DNAI3: variants seen among roughly 807,000 people sequenced by gnomAD.
DNAI3 encodes WD repeat domain 63.
Under a neutral mutation model 115.5 loss-of-function variants are expected in DNAI3, and 83 were observed. The observed-to-expected ratio is 0.72, with a 90% CI of 0.60 to 0.86. The LOEUF is 0.86. DNAI3 is among the 40% of genes least tolerant of loss of function. The pLI, the probability that DNAI3 is intolerant of heterozygous loss-of-function variation, is 0.00. For missense variants in DNAI3, 1,004 were observed against 1,075.8 expected, an observed-to-expected ratio of 0.93 and a Z score of 0.93; for synonymous variants, 320 against 347.0, an observed-to-expected ratio of 0.92 and a Z score of 0.86.
At chr1:85,120,788 C>T (rs1276604372) in intron 17 of DNAI3, among the ~76,000 whole-genome samples, 2 of 152,166 alleles carry the variant, frequency 1.3e-5, no homozygotes, top group Non-Finnish European at 2.9e-5. Flanking sequence ...AGGGCTTGTC[C>T]TTGGATTTGG....
intron 18 of DNAI3, among the ~76,000 whole-genome samples, chr1:85,122,259 C>T (rs1182530778): frequency 2.0e-5 from 3 of 152,028 alleles, no homozygotes; most frequent in African/African-American, 7.3e-5. Flanking sequence ...TCTAGAAGAC[C>T]CCAGCAGAGT....
intron 3 of DNAI3, among the ~76,000 whole-genome samples, chr1:85,080,949 T>C (rs1654617056): frequency 6.6e-6 from 1 of 152,166 alleles, no homozygotes; most frequent in Non-Finnish European, 1.5e-5. Context: ...TAGAAGTTCA[T>C]ATGAGGTATA....
At chr1:85,129,023 G>A (rs776498424) in intron 21 of DNAI3, among the ~76,000 whole-genome samples, 1 of 152,176 alleles carries the variant, frequency 6.6e-6, no homozygotes, top group Non-Finnish European at 1.5e-5. Flanking sequence ...ATGAAGTCCA[G>A]ATTCTGAGAG....
chr1:85,120,373 G>T (rs1364754900), intron 17 of DNAI3, among the ~76,000 whole-genome samples: 2 of 152,230 alleles, frequency 1.3e-5, no homozygotes, highest in African/African-American at 4.8e-5. Flanking sequence ...AAAAGGGCCT[G>T]AGCAGTGGGG....
At chr1:85,102,983 G>A (rs982411577) in intron 13 of DNAI3, among the ~76,000 whole-genome samples, 1 of 152,068 alleles carries the variant, frequency 6.6e-6, no homozygotes, top group African/African-American at 2.4e-5. Flanking sequence ...AGAGAGAGAG[G>A]TAACACCATG....
chr1:85,070,442 T>A (rs1384470529), intron 1 of DNAI3, among the ~76,000 whole-genome samples: 1 of 152,108 alleles, frequency 6.6e-6, no homozygotes, highest in Non-Finnish European at 1.5e-5. Flanking sequence ...CACCACTGCC[T>A]ATTGCGCTCT....
At chr1:85,101,875 C>T (rs1014947764) in intron 13 of DNAI3, among the ~76,000 whole-genome samples, 1 of 150,992 alleles carries the variant, frequency 6.6e-6, no homozygotes, top group Non-Finnish European at 1.5e-5. Flanking sequence ...TTGACAGATT[C>T]AAAATATACA....
intron 7 of DNAI3, 91 bp from the exon 8 acceptor site, chr1:85,090,022 CATT>C (rs1219916500): frequency 6.1e-6 from 3 of 489,542 alleles, no homozygotes; most frequent in Non-Finnish European, 1.1e-5. Context: ...ATCCTAACAT[CATT>C]GTCACAGAGA....
At chr1:85,072,095 G>T in intron 2 of DNAI3, 90 bp downstream of exon 2, 1 of 1,230,500 alleles carries the variant, frequency 8.1e-7, no homozygotes, top group East Asian at 2.4e-5. Flanking sequence ...CATATCAAAT[G>T]AAATAAAATA....
chr1:85,129,876 T>C (rs2100620131), intron 21 of DNAI3, 114 bp from the exon 22 acceptor site: 1 of 1,165,494 alleles, frequency 8.6e-7, no homozygotes, highest in South Asian at 2.1e-5. Context: ...ATTAGGGAGG[T>C]AGATTAGGTA....
At chr1:85,079,435 G>A (rs765096895) in intron 3 of DNAI3, among the ~76,000 whole-genome samples, 2 of 152,152 alleles carry the variant, frequency 1.3e-5, no homozygotes, top group Non-Finnish European at 2.9e-5. Flanking sequence ...CCTGGGGTGG[G>A]GGAAAATATT....
At position 85,120,271 on chromosome 1, in the gene DNAI3, G is replaced by A. The variant is rs889129719; in HGVS notation, c.1918-1480G>A. Among the ~76,000 whole-genome samples the A allele has an allele frequency of 2.0e-5, 3 of 152,314 alleles. No homozygotes were observed. The South Asian group carries it at 6.2e-4, about 32-fold the overall frequency. ...TTCAGGGAGGCATCACTGGGATCTCGACTGGCTGGCGTGGGCTGAGGGAAG... is the reference window on the plus strand; with the variant it reads ...TTCAGGGAGGCATCACTGGGATCTCAACTGGCTGGCGTGGGCTGAGGGAAG... On this transcript the variant is annotated intron_variant, in intron 17 of 22. Coordinates refer to ENST00000294664, the MANE Select transcript of DNAI3 (RefSeq NM_145172.5).
chr1:85,101,132 A>G (rs1655295652), intron 13 of DNAI3, among the ~76,000 whole-genome samples: 2 of 96,574 alleles, frequency 2.1e-5, no homozygotes, highest in Admixed American at 2.1e-4. Flanking sequence ...TAATAATAAA[A>G]TTAAAAAAAA....
chr1:85,071,245 T>C (rs1337534522), intron 1 of DNAI3, among the ~76,000 whole-genome samples: 1 of 152,206 alleles, frequency 6.6e-6, no homozygotes, highest in Non-Finnish European at 1.5e-5. Flanking sequence ...CTGGCCAGGC[T>C]CCTGCAGTCA....
At chr1:85,127,420 T>C (rs994151854) in intron 20 of DNAI3, among the ~76,000 whole-genome samples, 4 of 152,186 alleles carry the variant, frequency 2.6e-5, no homozygotes, top group African/African-American at 9.7e-5. Context: ...TTTATTTTAT[T>C]TTTTTGCAGT....
At chr1:85,110,578 C>A (rs1655628874) in intron 16 of DNAI3, among the ~76,000 whole-genome samples, 1 of 151,710 alleles carries the variant, frequency 6.6e-6, no homozygotes, top group Non-Finnish European at 1.5e-5. Context: ...AAAATCAAAC[C>A]CTCCAATGTG....
At chr1:85,084,444 A>T in intron 5 of DNAI3, 102 bp from the exon 6 acceptor site, 1 of 886,734 alleles carries the variant, frequency 1.1e-6, no homozygotes, top group Non-Finnish European at 1.5e-6. Flanking sequence ...GTGCTTAATG[A>T]ATTTATATAA....
intron 14 of DNAI3, among the ~76,000 whole-genome samples, chr1:85,105,953 C>G (rs1192364042): frequency 6.6e-6 from 1 of 152,182 alleles, no homozygotes; most frequent in Non-Finnish European, 1.5e-5. Context: ...CCCCAAAGAA[C>G]CACTAGAATG....
Position 85,096,034 on chromosome 1 carries a change from T to C in DNAI3, c.1263+14T>C. ...ATCAATGGGCAGGTACTTAACAGAA[T>C]TTTTTTCAGCTATGTATTAATGTAG... On this transcript the variant is annotated intron_variant, in intron 11 of 22. Coordinates refer to ENST00000294664, the MANE Select transcript of DNAI3 (RefSeq NM_145172.5). The C allele has an allele frequency of 6.2e-6, 10 of 1,611,376 alleles. No homozygotes were observed. Among genetic ancestry groups the C allele is most frequent in the Non-Finnish European group, 7.6e-6 (9 of 1,178,068 alleles).
Sources: allele counts gnomAD v4.1 joint callset (sites outside exome capture counted in the v4.1 genomes callset), GRCh38; gene constraint gnomAD v4.1.1; transcripts MANE v1.5; gene names NCBI Gene and HGNC (gene_info 2026-07-23, HGNC 2026-07-21).